Variants in DPYD observed in about 807,000 individuals in gnomAD.
DPYD encodes dihydropyrimidine dehydrogenase.
DPYD carries 109 observed loss-of-function variants against 116.2 expected under a neutral mutation model. The observed-to-expected ratio is 0.94, with a 90% CI of 0.80 to 1.10. The LOEUF (loss-of-function observed/expected upper bound fraction) is 1.10. DPYD is among the 50% of genes least tolerant of loss of function. DPYD has a pLI of 0.00. For synonymous variants in DPYD, 440 were observed against 432.0 expected, an observed-to-expected ratio of 1.02 and a Z score of -0.23; for missense variants, 1,302 against 1,254.5, an observed-to-expected ratio of 1.04 and a Z score of -0.57.
intron 3 of DPYD, among the ~76,000 whole-genome samples, chr1:97,769,593 G>A (rs1163214369): frequency 6.6e-6 from 1 of 151,994 alleles, no homozygotes; most frequent in Non-Finnish European, 1.5e-5. Flanking sequence ...CAAAATATTT[G>A]GTGGAAAATA....
At chr1:97,089,343 A>G (rs1367230553) in intron 21 of DPYD, among the ~76,000 whole-genome samples, 4 of 152,168 alleles carry the variant, frequency 2.6e-5, no homozygotes, top group Non-Finnish European at 5.9e-5. Flanking sequence ...CTGCCTGGGA[A>G]TAAAGCACGT....
At chr1:97,123,067 C>G (rs1413319702) in intron 20 of DPYD, among the ~76,000 whole-genome samples, 2 of 151,944 alleles carry the variant, frequency 1.3e-5, no homozygotes, top group Non-Finnish European at 2.9e-5. Context: ...TACCATGTGG[C>G]CAGGGAATAG....
At chr1:97,662,809 T>A (rs1462943069) in intron 8 of DPYD, among the ~76,000 whole-genome samples, 1 of 152,150 alleles carries the variant, frequency 6.6e-6, no homozygotes, top group African/African-American at 2.4e-5. Context: ...GAATAAATCA[T>A]GTTGAAATAA....
chr1:97,767,490 GTT>G (rs1557945614), intron 3 of DPYD, among the ~76,000 whole-genome samples: 5 of 151,054 alleles, frequency 3.3e-5, no homozygotes, highest in Non-Finnish European at 7.4e-5. Flanking sequence ...AACTCTGCAT[GTT>G]CTGTTTCCTC....
Position 97,708,118 on chromosome 1 carries a change from A to G in DPYD, c.484-8571T>C, listed in dbSNP as rs2100994942. On this transcript the variant is annotated intron_variant, in intron 5 of 22. Coordinates refer to ENST00000370192, the MANE Select transcript of DPYD (RefSeq NM_000110.4). ...TCTGAGTAGCCAGGACTACAGGTACATGCCACCACACCCAGCTCAGAATTT... is the reference window on the plus strand; with the variant it reads ...TCTGAGTAGCCAGGACTACAGGTACGTGCCACCACACCCAGCTCAGAATTT... 1.3e-5 allele frequency among the ~76,000 whole-genome samples: 2 copies of G among 152,144 alleles called. 1 individual carries two copies. The highest frequency in any genetic ancestry group is 2.9e-5 in the Non-Finnish European group (2 of 67,970).
At chr1:97,324,885 AG>A (rs1238823624) in intron 16 of DPYD, among the ~76,000 whole-genome samples, 2 of 152,072 alleles carry the variant, frequency 1.3e-5, no homozygotes, top group East Asian at 3.9e-4. Flanking sequence ...ATAGTCCATA[AG>A]GGAAAATATC....
intron 18 of DPYD, among the ~76,000 whole-genome samples, chr1:97,269,148 A>AT (rs372211048): frequency 7.4e-4 from 112 of 150,936 alleles, no homozygotes; most frequent in South Asian, 6.5e-3. Flanking sequence ...ATTCTACCAC[A>AT]TTTTTTTTTG....
chr1:97,120,193 T>A (rs1005162219), intron 20 of DPYD, among the ~76,000 whole-genome samples: 2 of 152,224 alleles, frequency 1.3e-5, no homozygotes, highest in African/African-American at 4.8e-5. Flanking sequence ...GTCGCCTTGT[T>A]CTCACATTTG....
chr1:97,722,205 A>C (rs1337966824), intron 4 of DPYD, among the ~76,000 whole-genome samples: 1 of 151,570 alleles, frequency 6.6e-6, no homozygotes, highest in Non-Finnish European at 1.5e-5. Flanking sequence ...TCCTCTAATC[A>C]AAAGGAAGAA....
At chr1:97,286,653 A>G (rs1319504788) in intron 18 of DPYD, among the ~76,000 whole-genome samples, 4 of 151,772 alleles carry the variant, frequency 2.6e-5, no homozygotes, top group South Asian at 2.1e-4. Context: ...TTCCCTTCTC[A>G]CTTCATTTCA....
intron 3 of DPYD, among the ~76,000 whole-genome samples, chr1:97,780,214 T>C (rs1026764705): frequency 6.6e-6 from 1 of 152,180 alleles, no homozygotes; most frequent in African/African-American, 2.4e-5. Flanking sequence ...AACAAAAACA[T>C]TTCAGTAAAA....
chr1:97,707,622 A>C (rs983517823), intron 5 of DPYD, among the ~76,000 whole-genome samples: 1 of 151,802 alleles, frequency 6.6e-6, no homozygotes, highest in Admixed American at 6.6e-5. Context: ...AGCATCCAGA[A>C]CCAAGAGAAA....
Position 97,790,830 on chromosome 1 carries a change from T to A in DPYD, c.233+37284A>T, listed in dbSNP as rs939937826. 3.3e-5 allele frequency among the ~76,000 whole-genome samples: 5 copies of A among 152,232 alleles called. No homozygotes were observed. In the South Asian group the frequency reaches 6.2e-4, roughly 19 times the overall value. Reference sequence around the variant, plus strand: ...AAAAAAAATCAACAGATGATTTTAATCAAATTTGTAAGCATGATTAAAGAT... The same window carrying A: ...AAAAAAAATCAACAGATGATTTTAAACAAATTTGTAAGCATGATTAAAGAT... On this transcript the variant is annotated intron_variant, in intron 3 of 22. Transcript: ENST00000370192.
intron 15 of DPYD, among the ~76,000 whole-genome samples, chr1:97,378,151 G>A (rs1570623717): frequency 6.6e-6 from 1 of 152,162 alleles, no homozygotes; most frequent in South Asian, 2.1e-4. Flanking sequence ...CCTGGGACAG[G>A]TAAAACACTC....
chr1:97,656,822 T>TA (rs981380388), intron 8 of DPYD, among the ~76,000 whole-genome samples: 7 of 152,106 alleles, frequency 4.6e-5, no homozygotes, highest in East Asian at 1.9e-4. Flanking sequence ...TTTTTTATTT[T>TA]TTTTTTTTTC....
intron 3 of DPYD, among the ~76,000 whole-genome samples, chr1:97,775,794 T>C (rs927595660): frequency 6.6e-6 from 1 of 152,176 alleles, no homozygotes; most frequent in Non-Finnish European, 1.5e-5. Flanking sequence ...ATAGCTAGAA[T>C]GCAAATAGTT....
At chr1:97,085,460 A>G (rs1314881885) in intron 21 of DPYD, among the ~76,000 whole-genome samples, 1 of 152,256 alleles carries the variant, frequency 6.6e-6, no homozygotes, top group Admixed American at 6.5e-5. Flanking sequence ...AGAAGTTATT[A>G]GCACATGGTG....
chr1:97,134,615 AAG>A (rs1557883904), intron 20 of DPYD, among the ~76,000 whole-genome samples: 1 of 152,170 alleles, frequency 6.6e-6, no homozygotes, highest in Non-Finnish European at 1.5e-5. Context: ...GGCTTCCTTA[AAG>A]AGGGTGACCA....
intron 3 of DPYD, among the ~76,000 whole-genome samples, chr1:97,746,140 C>T (rs1228142266): frequency 2.0e-5 from 3 of 152,044 alleles, no homozygotes. Context: ...CACTATGACT[C>T]AGAGAAGGAA....
Sources: gnomAD v4.1 joint callset for allele counts (sites outside exome capture counted in the v4.1 genomes callset) on GRCh38, gnomAD v4.1.1 for gene constraint, MANE v1.5 for transcripts, NCBI Gene and HGNC (gene_info 2026-07-23, HGNC 2026-07-21) for gene names.